Variants in PACRGL observed in about 807,000 individuals in gnomAD.
The protein encoded by PACRGL is PACRG-like protein.
Under a neutral mutation model 34.5 loss-of-function variants are expected in PACRGL, and 38 were observed. The ratio of observed to expected loss-of-function variants is 1.10; its 90% CI spans 0.85 to 1.44. The LOEUF (loss-of-function observed/expected upper bound fraction) is 1.44, where lower values mean the gene tolerates loss of function less well. Ranked by LOEUF, PACRGL falls within the 40% of genes most tolerant of loss-of-function variation. PACRGL has a pLI of 0.00. For missense variants in PACRGL, 305 were observed against 281.4 expected (o/e 1.08, Z -0.60); for synonymous variants, 128 against 100.1 (o/e 1.28, Z -1.66).
In PACRGL at chr4:20,730,910, C is replaced by T. The variant is rs533084583; in HGVS notation, c.*3569C>T. 5.3e-5 allele frequency among the ~76,000 whole-genome samples: 8 copies of T among 152,176 alleles called. No individual in the cohort carries two copies. In the East Asian group the frequency reaches 1.4e-3, roughly 26 times the overall value. Reference sequence around the variant, plus strand: ...ACTGCTAGAAACCAAGTAACATCACCGTCAAGCAGCTTAATGTCACCAAAT... The same window carrying T: ...ACTGCTAGAAACCAAGTAACATCACTGTCAAGCAGCTTAATGTCACCAAAT... On this transcript the variant is annotated 3_prime_UTR_variant, in exon 9 of 9. Transcript: ENST00000503585.
At chr4:20,747,552 T>C (rs1752636767) in intron 8 of PACRGL, among the ~76,000 whole-genome samples, 1 of 152,162 alleles carries the variant, frequency 6.6e-6, no homozygotes, top group East Asian at 1.9e-4. Context: ...CCCCCAACCA[T>C]CTCCTCTCCC....
At chr4:20,759,622 T>C in the PACRGL span, among the ~76,000 whole-genome samples, 3 of 149,216 alleles carry the variant, frequency 2.0e-5, no homozygotes, top group East Asian at 5.8e-4. Flanking sequence ...CCTCTGAGAG[T>C]GGTTTTGGCA....
intron 4 of PACRGL, among the ~76,000 whole-genome samples, chr4:20,708,403 A>G (rs1018557638): frequency 6.6e-6 from 1 of 152,142 alleles, no homozygotes; most frequent in Non-Finnish European, 1.5e-5. Flanking sequence ...AGCCTGTTGT[A>G]GATGATAGAA....
At position 20,732,219 on chromosome 4, in the gene PACRGL, TTA is replaced by T. The variant is rs1225291720; in HGVS notation, c.*4879_*4880del. ...TTTCAGAGCAGGAACCAGCAGTTTT[TTA>T]GAGATAAAAATGATAGGGCCAAATG... On this transcript the variant is annotated 3_prime_UTR_variant, in exon 9 of 9. Coordinates refer to ENST00000503585, the MANE Select transcript of PACRGL (RefSeq NM_001258345.3). 1 of 621,094 alleles carries T rather than the reference TTA, an allele frequency of 1.6e-6. No homozygotes were observed. The highest frequency in any genetic ancestry group is 2.1e-5 in the South Asian group (1 of 48,398). 38.5% of individuals were successfully genotyped at this position (621,094 alleles called of 1,614,324 possible).
intron 8 of PACRGL, among the ~76,000 whole-genome samples, chr4:20,740,147 T>C (rs867069555): frequency 3.9e-5 from 6 of 152,138 alleles, no homozygotes; most frequent in Admixed American, 3.9e-4. Context: ...TTGAACCAAG[T>C]TGGAAAACAC....
chr4:20,741,430 C>A (rs536004440), intron 8 of PACRGL, among the ~76,000 whole-genome samples: 1 of 152,198 alleles, frequency 6.6e-6, no homozygotes, highest in African/African-American at 2.4e-5. Flanking sequence ...CAAAACTGCA[C>A]AACTACTTGG....
chr4:20,765,501 A>G, the PACRGL span, among the ~76,000 whole-genome samples: 1 of 152,178 alleles, frequency 6.6e-6, no homozygotes, highest in Non-Finnish European at 1.5e-5. Context: ...TTTTCTTTTT[A>G]GAAATCTTTG....
chr4:20,747,560 C>G (rs968129417), intron 8 of PACRGL, among the ~76,000 whole-genome samples: 3 of 152,166 alleles, frequency 2.0e-5, no homozygotes, highest in Non-Finnish European at 2.9e-5. Flanking sequence ...CATCTCCTCT[C>G]CCTCCACTAA....
At chr4:20,748,659 C>T (rs1045386821) in intron 8 of PACRGL, among the ~76,000 whole-genome samples, 1 of 135,194 alleles carries the variant, frequency 7.4e-6, no homozygotes, top group Non-Finnish European at 1.6e-5. Context: ...AATCACAAAG[C>T]AAAATATGTA....
In PACRGL at chr4:20,745,296, ATCT is replaced by A. The variant is rs1161570276; in HGVS notation, c.*57-7264_*57-7262del. On this transcript the variant is annotated intron_variant, in intron 8 of 8. Coordinates refer to the PACRGL transcript ENST00000507634. Reference sequence around the variant, plus strand: ...ATTCACATGGTGACATCTAATTCACATCTTCTTGAATACTGTATATCCTGAAAC... The same window carrying A: ...ATTCACATGGTGACATCTAATTCACATCTTGAATACTGTATATCCTGAAAC... Among the ~76,000 whole-genome samples the A allele has an allele frequency of 5.3e-5, 8 of 152,304 alleles. No homozygotes were observed. The East Asian group carries it at 1.5e-3, about 29-fold the overall frequency.
chr4:20,708,499 C>T (rs192111492), intron 4 of PACRGL, among the ~76,000 whole-genome samples: 32 of 151,866 alleles, frequency 2.1e-4, no homozygotes, highest in African/African-American at 6.5e-4. Flanking sequence ...ATGGTATTTT[C>T]GGATTTGGAG....
intron 7 of PACRGL, among the ~76,000 whole-genome samples, chr4:20,714,252 A>G (rs537707984): frequency 1.3e-5 from 2 of 152,228 alleles, no homozygotes; most frequent in African/African-American, 2.4e-5. Context: ...CCATTATGTA[A>G]TGGCCTTCTT....
At chr4:20,707,607 C>T (rs73240224) in intron 3 of PACRGL, among the ~76,000 whole-genome samples, 196 bp from the exon 4 acceptor site, 125 of 111,122 alleles carry the variant, frequency 1.1e-3, no homozygotes, top group Middle Eastern at 9.6e-3. Context: ...CATCCTGAAT[C>T]GTTAGGGGAA....
At chr4:20,723,257 A>G (rs1025961261) in intron 7 of PACRGL, among the ~76,000 whole-genome samples, 1 of 152,160 alleles carries the variant, frequency 6.6e-6, no homozygotes, top group Non-Finnish European at 1.5e-5. Flanking sequence ...GGAATTTCAC[A>G]CTAGTATACA....
chr4:20,735,214 A>T (rs1279043875), downstream of PACRGL, among the ~76,000 whole-genome samples: 1 of 152,204 alleles, frequency 6.6e-6, no homozygotes, highest in Non-Finnish European at 1.5e-5. Flanking sequence ...GACAGTGGGT[A>T]AGAGCATGGA....
downstream of PACRGL, chr4:20,734,505 C>G (rs1032423632): frequency 2.0e-6 from 1 of 511,880 alleles, no homozygotes; most frequent in African/African-American, 2.0e-5. Context: ...CTTTCTTCCA[C>G]TACATAAAAT....
rs1489851296 is a variant in PACRGL, at chr4:20,728,774, A to ACCAGAATAGATACCTGATTTATTGTTGC, written c.*1434_*1461dup. The ACCAGAATAGATACCTGATTTATTGTTGC allele has an allele frequency of 2.0e-5, 3 of 152,558 alleles. No individual in the cohort carries two copies. Among genetic ancestry groups the ACCAGAATAGATACCTGATTTATTGTTGC allele is most frequent in the Non-Finnish European group, 2.9e-5 (2 of 67,998 alleles). The allele number at this position is 152,558 out of a possible 1,614,324, so 9.5% of individuals were successfully genotyped here. On this transcript the variant is annotated 3_prime_UTR_variant, in exon 9 of 9. Coordinates refer to ENST00000503585, the MANE Select transcript of PACRGL (RefSeq NM_001258345.3). Reference sequence around the variant, plus strand: ...GCAGCTTTCAACATCCTATCTCTACACCAGAATAGATACCTGATTTATTGT... The same window carrying ACCAGAATAGATACCTGATTTATTGTTGC: ...GCAGCTTTCAACATCCTATCTCTACACCAGAATAGATACCTGATTTATTGTTGCCCAGAATAGATACCTGATTTATTGT...
At chr4:20,744,058 A>G (rs371386489) in intron 8 of PACRGL, among the ~76,000 whole-genome samples, 7 of 152,208 alleles carry the variant, frequency 4.6e-5, no homozygotes, top group Admixed American at 2.6e-4. Context: ...CAAAACCACA[A>G]TGAGATACCA....
At chr4:20,737,280 A>G (rs73240296), downstream of PACRGL, among the ~76,000 whole-genome samples, 9,241 of 137,422 alleles carry the variant, frequency 0.067, 370 homozygotes, top group Non-Finnish European at 0.1. Flanking sequence ...TTCCCTAGGA[A>G]AGGATTGTTC....
Sources: gnomAD v4.1 joint callset for allele counts (sites outside exome capture counted in the v4.1 genomes callset) on GRCh38, gnomAD v4.1.1 for gene constraint, MANE v1.5 for transcripts, NCBI Gene and HGNC (gene_info 2026-07-23, HGNC 2026-07-21) for gene names.